The following ZMAT4 variants were observed in gnomAD, a reference collection of about 807,000 sequenced individuals.
ZMAT4 encodes zinc finger matrin-type 4.
A neutral mutation model predicts 28.7 loss-of-function variants in ZMAT4; 17 were observed. The ratio of observed to expected loss-of-function variants is 0.59; its 90% CI spans 0.41 to 0.89. The LOEUF is 0.89. Ranked by LOEUF, ZMAT4 falls within the 40% of genes least tolerant of loss-of-function variation. The pLI, the probability that ZMAT4 is intolerant of heterozygous loss-of-function variation, is 0.00. For synonymous variants in ZMAT4, 117 were observed against 109.2 expected, an observed-to-expected ratio of 1.07 and a Z score of -0.44; for missense variants, 240 against 283.8, an observed-to-expected ratio of 0.85 and a Z score of 1.11.
At chr8:40,798,160 C>T (rs902517835) in intron 2 of ZMAT4, among the ~76,000 whole-genome samples, 5 of 152,164 alleles carry the variant, frequency 3.3e-5, no homozygotes, top group African/African-American at 1.2e-4. Context: ...TCCTGCATCT[C>T]CTTGTGATCT....
intron 5 of ZMAT4, among the ~76,000 whole-genome samples, chr8:40,639,625 A>AACACAC (rs60100252): frequency 0.025 from 3,742 of 149,934 alleles, 211 homozygotes; most frequent in Admixed American, 0.13. Context: ...AGAAGGCAAG[A>AACACAC]ACACACACAC....
intron 2 of ZMAT4, among the ~76,000 whole-genome samples, chr8:40,816,126 T>A (rs1432306551): frequency 6.6e-6 from 1 of 152,222 alleles, no homozygotes; most frequent in Non-Finnish European, 1.5e-5. Flanking sequence ...CAAAGTGACA[T>A]GCCCCAGCCT....
intron 6 of ZMAT4, among the ~76,000 whole-genome samples, chr8:40,568,040 A>G (rs1803978077): frequency 6.6e-6 from 1 of 152,198 alleles, no homozygotes; most frequent in South Asian, 2.1e-4. Flanking sequence ...TGGTAAAGAA[A>G]TTCCACGTAG....
At chr8:40,839,577 A>G (rs1816624200) in intron 1 of ZMAT4, among the ~76,000 whole-genome samples, 1 of 152,236 alleles carries the variant, frequency 6.6e-6, no homozygotes, top group African/African-American at 2.4e-5. Context: ...ATGTCCATCA[A>G]TGAATGAATT....
intron 2 of ZMAT4, among the ~76,000 whole-genome samples, chr8:40,778,440 C>T (rs1297623400): frequency 6.6e-6 from 1 of 152,140 alleles, no homozygotes; most frequent in African/African-American, 2.4e-5. Context: ...CAGTTTTTTG[C>T]ACAGAAAATT....
At chr8:40,607,252 G>C (rs1028684233) in intron 5 of ZMAT4, among the ~76,000 whole-genome samples, 26 of 151,420 alleles carry the variant, frequency 1.7e-4, no homozygotes, top group African/African-American at 6.3e-4. Flanking sequence ...AGCCTCCTGA[G>C]TAGCTGGGAC....
intron 4 of ZMAT4, among the ~76,000 whole-genome samples, chr8:40,696,661 TTGAATCACAGGATCTCCTGCAAGA>T (rs1276725279): frequency 3.3e-5 from 5 of 152,188 alleles, no homozygotes; most frequent in Admixed American, 3.3e-4. Context: ...GTTAATAGGC[TTGAATCACAGGATCTCCTGCAAGA>T]TGAATCACAG....
At chr8:40,626,682 C>T (rs1485183586) in intron 5 of ZMAT4, among the ~76,000 whole-genome samples, 1 of 152,188 alleles carries the variant, frequency 6.6e-6, no homozygotes, top group African/African-American at 2.4e-5. Flanking sequence ...CTTTATCCTG[C>T]TGGTGTGAAG....
In ZMAT4 at chr8:40,575,476, C is replaced by A. The variant is rs62505435; in HGVS notation, c.674+5689G>T. ...AGACTGAGAACCAGTTCACTAAGCTCACCTTCAGCAAAGCCACACCACTGC... is the reference window on the plus strand; with the variant it reads ...AGACTGAGAACCAGTTCACTAAGCTAACCTTCAGCAAAGCCACACCACTGC... On this transcript the variant is annotated intron_variant, in intron 6 of 6. Coordinates refer to ENST00000297737, the MANE Select transcript of ZMAT4 (RefSeq NM_024645.3). 1.5e-3 allele frequency among the ~76,000 whole-genome samples: 225 copies of A among 152,130 alleles called. 1 individual carries two copies. The highest frequency in any genetic ancestry group is 2.1e-3 in the Non-Finnish European group (146 of 67,994).
intron 4 of ZMAT4, among the ~76,000 whole-genome samples, chr8:40,689,753 A>G (rs1809575562): frequency 1.3e-5 from 2 of 151,902 alleles, no homozygotes; most frequent in African/African-American, 4.8e-5. Context: ...AGTCCTGACC[A>G]TGTCTCCTGT....
intron 5 of ZMAT4, among the ~76,000 whole-genome samples, chr8:40,589,229 A>T (rs1395193435): frequency 6.6e-6 from 1 of 152,150 alleles, no homozygotes; most frequent in African/African-American, 2.4e-5. Context: ...TGTTATACCG[A>T]TTTAACAGAG....
chr8:40,733,247 G>A (rs1811621145), intron 3 of ZMAT4, among the ~76,000 whole-genome samples: 1 of 152,152 alleles, frequency 6.6e-6, no homozygotes. Flanking sequence ...AGGGGGTTCA[G>A]TGACTAGAAC....
intron 5 of ZMAT4, among the ~76,000 whole-genome samples, chr8:40,645,325 G>C (rs116059850): frequency 0.01 from 1,543 of 152,156 alleles, 29 homozygotes; most frequent in African/African-American, 0.034. Context: ...AGATAAGAAA[G>C]AACCTAACTT....
At chr8:40,894,956 A>G (rs1818820393) in intron 1 of ZMAT4, among the ~76,000 whole-genome samples, 1 of 152,254 alleles carries the variant, frequency 6.6e-6, no homozygotes, top group Non-Finnish European at 1.5e-5. Flanking sequence ...TCTTTAACAG[A>G]AAAATCAGCA....
intron 5 of ZMAT4, among the ~76,000 whole-genome samples, chr8:40,613,091 G>A (rs1422433955): frequency 6.6e-6 from 1 of 151,462 alleles, no homozygotes; most frequent in African/African-American, 2.4e-5. Flanking sequence ...GATTACAGGT[G>A]TGAGCCACCG....
intron 2 of ZMAT4, among the ~76,000 whole-genome samples, chr8:40,792,473 CAGGAAGGA>C (rs372079235): frequency 0.035 from 507 of 14,398 alleles, 11 homozygotes; most frequent in East Asian, 0.11. Context: ...GAATAGTATT[CAGGAAGGA>C]AGGAAGGAAG....
intron 3 of ZMAT4, among the ~76,000 whole-genome samples, chr8:40,705,019 G>A (rs1055739625): frequency 6.6e-6 from 1 of 152,138 alleles, no homozygotes. Flanking sequence ...CTGCTGTTTG[G>A]ATACAAACTA....
intron 5 of ZMAT4, among the ~76,000 whole-genome samples, chr8:40,658,066 T>A (rs988672474): frequency 6.6e-6 from 1 of 152,230 alleles, no homozygotes; most frequent in South Asian, 2.1e-4. Context: ...CCATGTATAT[T>A]TTTCACTTTG....
chr8:40,575,263 T>C (rs1041226129), intron 6 of ZMAT4, among the ~76,000 whole-genome samples: 3 of 152,104 alleles, frequency 2.0e-5, no homozygotes, highest in Non-Finnish European at 4.4e-5. Context: ...CCTGAATTGC[T>C]GAGCCACTGT....
Sources: gnomAD v4.1 joint callset for allele counts (sites outside exome capture counted in the v4.1 genomes callset) on GRCh38, gnomAD v4.1.1 for gene constraint, MANE v1.5 for transcripts, NCBI Gene and HGNC (gene_info 2026-07-23, HGNC 2026-07-21) for gene names.